Variants in SETX observed in about 807,000 individuals in gnomAD.
The protein encoded by SETX is helicase senataxin.
Under a neutral mutation model 227.2 loss-of-function variants are expected in SETX, and 90 were observed. The ratio of observed to expected loss-of-function variants is 0.40; its 90% CI spans 0.33 to 0.47. The LOEUF is 0.47. Among genes scored for constraint, SETX ranks in the 20% least tolerant of loss-of-function variants. The pLI, the probability that SETX is intolerant of heterozygous loss-of-function variation, is 0.91. For synonymous variants in SETX, 1,210 were observed against 1,113.2 expected (o/e 1.09, Z -1.73); for missense variants, 3,052 against 3,181.5 (o/e 0.96, Z 0.98).
intron 3 of SETX, 35 bp downstream of exon 3, chr9:132,349,217 G>A: frequency 6.3e-7 from 1 of 1,595,864 alleles, no homozygotes. Flanking sequence ...CAGCTATCAA[G>A]CTCTGAAAAA....
Position 132,326,430 on chromosome 9 carries a change from G to C in SETX, c.5168C>G (p.Ala1723Gly). The change falls in exon 10 of 26, where the codon GCA (alanine) becomes GGA (glycine). Residue 1723 changes from alanine to glycine, a missense_variant. Ala to Gly is a moderately conservative substitution (Grantham distance 60). Coordinates refer to ENST00000224140, the MANE Select transcript of SETX (RefSeq NM_015046.7). ...FLNFGQCGPP[A>G]SLCQSISRPV... is the part of the protein sequence containing the mutation. ...TCTTGAGATGGACTGACAAAGACTT[G>C]CAGGGGGCCCACACTGACCAAAGTT... 2 of 1,614,040 alleles carry C rather than the reference G, an allele frequency of 1.2e-6. No individual in the cohort carries two copies. Among genetic ancestry groups the C allele is most frequent in the Non-Finnish European group, 1.7e-6 (2 of 1,179,908 alleles).
At chr9:132,283,003 G>A (rs991408456) in intron 19 of SETX, 3 of 504,268 alleles carry the variant, frequency 5.9e-6, no homozygotes, top group African/African-American at 3.9e-5. Flanking sequence ...CTAAGCAGGA[G>A]TGAGACAGTC....
chr9:132,327,706 C>T lies in SETX; in HGVS notation c.3892G>A (p.Glu1298Lys). 2 of 1,614,154 alleles carry T rather than the reference C, an allele frequency of 1.2e-6. No individual in the cohort carries two copies. The highest frequency in any genetic ancestry group is 1.7e-6 in the Non-Finnish European group (2 of 1,180,030). The change falls in exon 10 of 26, where the codon GAG (glutamate) becomes AAG (lysine). Residue 1298 changes from glutamate (E) to lysine (K), a missense_variant. Glu to Lys is a moderately conservative substitution (Grantham distance 56). Coordinates refer to ENST00000224140, the MANE Select transcript of SETX (RefSeq NM_015046.7). ...GLKKGPRKAY[E>K]LSQRSLDYVA... ...TAATCCAAAGACCGCTGGGACAACTCATATGCCTTACGAGGACCCTTTTTC... is the reference window on the plus strand; with the variant it reads ...TAATCCAAAGACCGCTGGGACAACTTATATGCCTTACGAGGACCCTTTTTC...
Position 132,328,126 on chromosome 9 carries a change from T to C in SETX, c.3472A>G (p.Lys1158Glu). The part of the protein sequence containing the change: ...SVEEFCEIEV[K>E]KPKRKRSEKP... ...TCAGATCGTTTTCTCTTAGGCTTTT[T>C]TACTTCAATTTCACAAAATTCTTCA... The change falls in exon 10 of 26, where the codon AAA (lysine) becomes GAA (glutamate). Residue 1158 changes from lysine (K) to glutamate (E), a missense_variant. Physicochemically the swap from Lys to Glu is moderately conservative, Grantham distance 56 (BLOSUM62 1). Coordinates refer to ENST00000224140, the MANE Select transcript of SETX (RefSeq NM_015046.7). The C allele has an allele frequency of 6.2e-7, 1 of 1,614,094 alleles. No individual in the cohort carries two copies. The highest frequency in any genetic ancestry group is 1.6e-4 in the Middle Eastern group (1 of 6,062).
In SETX at chr9:132,326,633, C is replaced by T. The variant is rs148835280; in HGVS notation, c.4965G>A (p.Ser1655=). Residue 1655 remains serine (S), a synonymous_variant, in exon 10 of 26, where the codon TCG becomes TCA. Transcript: ENST00000224140. Reference sequence around the variant, plus strand: ...GAGACTGAGGATGAAGAACATTGCACGAATTCTTCATTTCACCAACTGGCT... The same window carrying T: ...GAGACTGAGGATGAAGAACATTGCATGAATTCTTCATTTCACCAACTGGCT... ...AQKPVGEMKN[S]CNVLHPQSPN... 1.1e-5 allele frequency: 17 copies of T among 1,614,070 alleles called. No individual in the cohort carries two copies. The highest frequency in any genetic ancestry group is 1.3e-5 in the Non-Finnish European group (15 of 1,180,042).
chr9:132,282,652 C>CGGTGG, intron 19 of SETX: 1 of 161,160 alleles, frequency 6.2e-6, no homozygotes, highest in Admixed American at 5.8e-5. Context: ...GAGTGTGTTT[C>CGGTGG]CCCATATCTT....
chr9:132,285,777 G>C (rs1326258005), intron 18 of SETX, among the ~76,000 whole-genome samples: 4 of 150,988 alleles, frequency 2.6e-5, no homozygotes, highest in Admixed American at 6.6e-5. Context: ...CTACTCGGGA[G>C]GCTGAGGCAG....
At chr9:132,331,697 A>T (rs1228053500) in intron 7 of SETX, among the ~76,000 whole-genome samples, 1 of 152,028 alleles carries the variant, frequency 6.6e-6, no homozygotes, top group Non-Finnish European at 1.5e-5. Flanking sequence ...ATTTAGTGGC[A>T]AACAAATTAC....
intron 10 of SETX, among the ~76,000 whole-genome samples, chr9:132,314,944 G>C (rs1234764759): frequency 1.0e-5 from 1 of 99,240 alleles, no homozygotes; most frequent in African/African-American, 4.0e-5. Flanking sequence ...ACAGGGTCTT[G>C]CTCTGTTGCC....
chr9:132,274,376 C>A (rs140835520), intron 23 of SETX, among the ~76,000 whole-genome samples: 1 of 150,508 alleles, frequency 6.6e-6, no homozygotes, highest in Non-Finnish European at 1.5e-5. Flanking sequence ...ACCAGCTTAG[C>A]TTGGTTCTGG....
At chr9:132,315,718 A>G (rs188510748) in intron 10 of SETX, among the ~76,000 whole-genome samples, 87 of 152,210 alleles carry the variant, frequency 5.7e-4, no homozygotes, top group African/African-American at 1.6e-3. Context: ...ATCAAACTCA[A>G]TGATGACCTC....
Position 132,293,838 on chromosome 9 carries a change from C to T in SETX, c.6106+2034G>A, listed in dbSNP as rs1038125679. Among the ~76,000 whole-genome samples the T allele has an allele frequency of 2.6e-5, 4 of 152,136 alleles. No individual in the cohort carries two copies. In the East Asian group the frequency reaches 5.8e-4, roughly 22 times the overall value. On this transcript the variant is annotated intron_variant, in intron 15 of 25. Coordinates refer to ENST00000224140, the MANE Select transcript of SETX (RefSeq NM_015046.7). ...GAGATCGAGACCATCCTGGCTAACA[C>T]GGTGAAACCCCGTCTCTACTAAAAA...
chr9:132,288,323 C>T lies in SETX; in HGVS notation c.6237G>A (p.Ala2079=), dbSNP rs761597271. The change falls in exon 17 of 26, where the codon GCG becomes GCA. Residue 2079 remains alanine (A), a synonymous_variant. Transcript: ENST00000224140. ...CTAGAAATTCCTTTCTTTTATGCATCGCCTGAACATGAGAAGGTAACTCTT... is the reference window on the plus strand; with the variant it reads ...CTAGAAATTCCTTTCTTTTATGCATTGCCTGAACATGAGAAGGTAACTCTT... ...MKKELPSHVQ[A]MHKRKEFLDY... 15 of 1,613,906 alleles carry T rather than the reference C, an allele frequency of 9.3e-6. No individual in the cohort carries two copies. Among genetic ancestry groups the T allele is most frequent in the East Asian group, 2.2e-5 (1 of 44,890 alleles).
rs549819860 is a variant in SETX, at chr9:132,338,011, A to G, written c.499-1496T>C. 2.0e-5 allele frequency among the ~76,000 whole-genome samples: 3 copies of G among 152,202 alleles called. No individual in the cohort carries two copies. The East Asian group carries it at 5.8e-4, about 29-fold the overall frequency. ...GCTGAGAAGGACAGTAACATCACTT[A>G]CATGGTACTCCAGCTGGGAATGTGT... On this transcript the variant is annotated intron_variant, in intron 5 of 25. Transcript: ENST00000224140.
intron 15 of SETX, among the ~76,000 whole-genome samples, chr9:132,291,408 C>T (rs1332137967): frequency 1.3e-5 from 2 of 151,868 alleles, no homozygotes; most frequent in East Asian, 1.9e-4. Flanking sequence ...CCTCGTGATC[C>T]ACCTGCCTTG....
rs148604312 is a variant in SETX at position 132,327,772 on chromosome 9, G to C, written c.3826C>G (p.Gln1276Glu). ...PAIVPPKKFR[Q>E]CPEPTSTAEK... is the part of the protein sequence containing the mutation. ...GCTGTTGAAGTTGGCTCAGGACACT[G>C]ACGAAATTTCTTTGGCGGCACTATA... Residue 1276 changes from glutamine to glutamate, a missense_variant, in exon 10 of 26, where the codon CAG becomes GAG. Physicochemically the swap from Gln to Glu is conservative, Grantham distance 29. Coordinates refer to ENST00000224140, the MANE Select transcript of SETX (RefSeq NM_015046.7). The C allele has an allele frequency of 2.6e-4, 418 of 1,614,044 alleles. 1 individual carries two copies. The highest frequency in any genetic ancestry group is 1.5e-4 in the Non-Finnish European group (177 of 1,180,050).
At chr9:132,342,940 T>C (rs1848071336) in intron 4 of SETX, 141 bp from the exon 5 acceptor site, 17 of 685,990 alleles carry the variant, frequency 2.5e-5, no homozygotes, top group Middle Eastern at 3.9e-4. Context: ...ATGCTTATAT[T>C]GTAAATGCAG....
Position 132,265,004 on chromosome 9 carries a change from G to A in SETX, c.7288-19C>T, listed in dbSNP as rs368143983. On this transcript the variant is annotated intron_variant, in intron 25 of 25. Transcript: ENST00000224140. Reference sequence around the variant, plus strand: ...GGTTTTCCTTGAAACAATGAGAAGGGAGAAATAATTACACCCCAAAGAGAC... The same window carrying A: ...GGTTTTCCTTGAAACAATGAGAAGGAAGAAATAATTACACCCCAAAGAGAC... The A allele has an allele frequency of 1.8e-4, 292 of 1,610,932 alleles. No homozygotes were observed. Among genetic ancestry groups the A allele is most frequent in the Non-Finnish European group, 2.4e-4 (285 of 1,180,008 alleles).
intron 10 of SETX, 101 bp from the exon 11 acceptor site, chr9:132,311,957 A>G: frequency 2.1e-6 from 2 of 941,990 alleles, no homozygotes; most frequent in Non-Finnish European, 3.3e-6. Flanking sequence ...TCCAGAAGCT[A>G]GAATCTAGGT....
Sources: allele counts gnomAD v4.1 joint callset (sites outside exome capture counted in the v4.1 genomes callset), GRCh38; gene constraint gnomAD v4.1.1; transcripts MANE v1.5; gene names NCBI Gene and HGNC (gene_info 2026-07-23, HGNC 2026-07-21).